The following ZNF25 variants were observed in gnomAD, a reference collection of about 807,000 sequenced individuals.
ZNF25 encodes zinc finger protein 25 (KOX 19).
A neutral mutation model predicts 30.9 loss-of-function variants in ZNF25; 21 were observed. The observed-to-expected ratio is 0.68, with a 90% CI of 0.48 to 0.98. The LOEUF (loss-of-function observed/expected upper bound fraction) is 0.98. ZNF25 is among the 50% of genes least tolerant of loss of function. ZNF25 has a pLI of 0.00. For missense variants in ZNF25, 501 were observed against 529.9 expected (o/e 0.95, Z 0.54); for synonymous variants, 169 against 181.3 (o/e 0.93, Z 0.55).
chr10:37,964,489 C>G (rs10827837), intron 2 of ZNF25, among the ~76,000 whole-genome samples: 1 of 152,078 alleles, frequency 6.6e-6, no homozygotes, highest in Non-Finnish European at 1.5e-5. Flanking sequence ...TATTGGAAAC[C>G]GGAGTATAGG....
At chr10:37,967,331 AGG>A (rs2063238660) in intron 2 of ZNF25, among the ~76,000 whole-genome samples, 1 of 152,234 alleles carries the variant, frequency 6.6e-6, no homozygotes, top group Non-Finnish European at 1.5e-5. Context: ...CAAAACAGTG[AGG>A]TACTGGCATA....
intron 2 of ZNF25, 83 bp from the exon 3 acceptor site, chr10:37,957,629 T>A: frequency 1.4e-6 from 2 of 1,430,438 alleles, no homozygotes; most frequent in Non-Finnish European, 1.9e-6. Flanking sequence ...TAGCTCTTAG[T>A]GTACTAACTG....
intron 1 of ZNF25, 128 bp downstream of exon 1, chr10:37,976,378 C>T: frequency 6.6e-6 from 1 of 152,498 alleles, no homozygotes; most frequent in Non-Finnish European, 1.5e-5. Flanking sequence ...GCGCAGCCAG[C>T]CAACCTCCCC....
At chr10:37,973,028 T>TGTG (rs1478719065) in intron 1 of ZNF25, among the ~76,000 whole-genome samples, 4 of 151,690 alleles carry the variant, frequency 2.6e-5, no homozygotes, top group Admixed American at 2.0e-4. Flanking sequence ...ATTAGCCAGG[T>TGTG]GTGGTGGCGC....
chr10:37,953,050 T>C lies in ZNF25; in HGVS notation c.448A>G (p.Lys150Glu). 6.2e-7 allele frequency: 1 copy of C among 1,614,068 alleles called. No homozygotes were observed. Among genetic ancestry groups the C allele is most frequent in the Non-Finnish European group, 8.5e-7 (1 of 1,180,006 alleles). The change falls in exon 6 of 6, where the codon AAA becomes GAA. Residue 150 changes from lysine to glutamate, a missense_variant. Lys to Glu is a moderately conservative substitution (Grantham distance 56). Transcript: ENST00000302609. ...TTTTTAGAGAAAGATTTCCCACATT[T>C]ATCACAGTCATAGGATTTGCCCTTT... The part of the protein sequence containing the change: ...HSKGKSYDCD[K>E]CGKSFSKNED...
chr10:37,974,311 A>G (rs79358704), intron 1 of ZNF25, among the ~76,000 whole-genome samples: 6,354 of 152,316 alleles, frequency 0.042, 198 homozygotes, highest in Middle Eastern at 0.078. Flanking sequence ...AGCACAGCAA[A>G]GTAAGCAATA....
rs118186216 is a variant in ZNF25 at position 37,970,691 on chromosome 10, T to C, written c.15+1017A>G. Among the ~76,000 whole-genome samples, 969 of 152,298 alleles carry C rather than the reference T, an allele frequency of 6.4e-3. 59 individuals are homozygous for C. In the East Asian group the frequency reaches 0.13, roughly 20 times the overall value. ...ACATATTCTAGCTTCCTCTACCTTT[T>C]TGATGTTACCTCTTACCATTCTTTC... On this transcript the variant is annotated intron_variant, in intron 2 of 5. Coordinates refer to ENST00000302609, the MANE Select transcript of ZNF25 (RefSeq NM_145011.4).
At chr10:37,964,755 C>T (rs373821463) in intron 2 of ZNF25, among the ~76,000 whole-genome samples, 3 of 152,172 alleles carry the variant, frequency 2.0e-5, no homozygotes, top group African/African-American at 7.2e-5. Context: ...TCCTGTGGTA[C>T]AGAAAGAATC....
chr10:37,959,775 A>G (rs933875553), intron 2 of ZNF25, among the ~76,000 whole-genome samples: 10 of 151,244 alleles, frequency 6.6e-5, no homozygotes, highest in African/African-American at 2.4e-4. Context: ...ACGCCTGGCT[A>G]ATTTTTGTAT....
At chr10:37,970,733 C>A (rs2063444029) in intron 2 of ZNF25, among the ~76,000 whole-genome samples, 1 of 152,210 alleles carries the variant, frequency 6.6e-6, no homozygotes, top group Non-Finnish European at 1.5e-5. Flanking sequence ...TCATATCTCT[C>A]TAGCTTCAAT....
intron 2 of ZNF25, among the ~76,000 whole-genome samples, chr10:37,971,080 T>G (rs1326826839): frequency 3.3e-5 from 5 of 152,148 alleles, no homozygotes; most frequent in Admixed American, 3.3e-4. Context: ...TTTGGGAGGC[T>G]AAGGCGGGAG....
chr10:37,955,903 C>T (rs572868620), intron 4 of ZNF25, among the ~76,000 whole-genome samples: 31 of 152,244 alleles, frequency 2.0e-4, no homozygotes, highest in African/African-American at 7.5e-4. Flanking sequence ...AGGCTGGTCT[C>T]GAACTCGGGC....
At position 37,952,840 on chromosome 10, in the gene ZNF25, G is replaced by T. The variant is rs2062248327; in HGVS notation, c.658C>A (p.His220Asn). 3 of 1,614,004 alleles carry T rather than the reference G, an allele frequency of 1.9e-6. No homozygotes were observed. The highest frequency in any genetic ancestry group is 1.7e-6 in the Non-Finnish European group (2 of 1,180,014). Reference sequence around the variant, plus strand: ...TTCTCCCCTGTGTGTGTTTTCTGATGTTCTGTGAGATGTGGTTTCTGGTAG... The same window carrying T: ...TTCTCCCCTGTGTGTGTTTTCTGATTTTCTGTGAGATGTGGTTTCTGGTAG... ...SFYQKPHLTE[H>N]QKTHTGEKPF... The change falls in exon 6 of 6, where the codon CAT becomes AAT. Residue 220 changes from histidine (H) to asparagine (N), a missense_variant. His to Asn is a moderately conservative substitution (Grantham distance 68). Coordinates refer to ENST00000302609, the MANE Select transcript of ZNF25 (RefSeq NM_145011.4).
Position 37,952,067 on chromosome 10 carries a change from G to C in ZNF25, c.*60C>G. 1 of 1,470,672 alleles carries C rather than the reference G, an allele frequency of 6.8e-7. No homozygotes were observed. The highest frequency in any genetic ancestry group is 1.4e-5 in the South Asian group (1 of 72,818). The allele number at this position is 1,470,672 out of a possible 1,614,324, so 91.1% of individuals were successfully genotyped here. On this transcript the variant is annotated 3_prime_UTR_variant, in exon 6 of 6. Coordinates refer to ENST00000302609, the MANE Select transcript of ZNF25 (RefSeq NM_145011.4). ...ATGCGATTCATAAGGTGTACCTCTT[G>C]TGTGAATTATCTGATTGTTTTGAAG...
At position 37,952,380 on chromosome 10, in the gene ZNF25, G is replaced by A. The variant is rs1460395037; in HGVS notation, c.1118C>T (p.Thr373Ile). 10 of 1,610,978 alleles carry A rather than the reference G, an allele frequency of 6.2e-6. No homozygotes were observed. The Admixed American group carries it at 1.3e-4, about 22-fold the overall frequency. The change falls in exon 6 of 6, where the codon ACA becomes ATA. Residue 373 changes from threonine to isoleucine, a missense_variant. Coordinates refer to ENST00000302609, the MANE Select transcript of ZNF25 (RefSeq NM_145011.4). The stretch of plus-strand genomic sequence containing the variant: ...CACAGCAAAAGATTTGCCACATTCT[G>A]TGCATTCATAGGGCTTCTCCCCTGT... ...KHTGEKPYECTECGKSFAVNS... is the reference protein window; with the variant it reads ...KHTGEKPYECIECGKSFAVNS...
intron 2 of ZNF25, 28 bp from the exon 3 acceptor site, chr10:37,957,574 G>T: frequency 6.2e-7 from 1 of 1,605,516 alleles, no homozygotes; most frequent in Non-Finnish European, 8.5e-7. Flanking sequence ...AGTTCAATTT[G>T]AAGTAACCAG....
rs149283033 is a variant in ZNF25, at chr10:37,965,725, T to C, written c.15+5983A>G. ...AAGAACACAGGTAAAGGTAACTATA[T>C]AGGTACATAGAAAAGCTGGTATTGT... is the stretch of plus-strand genomic sequence containing the variant. On this transcript the variant is annotated intron_variant, in intron 2 of 5. Transcript: ENST00000302609. Among the ~76,000 whole-genome samples, 1,391 of 152,282 alleles carry C rather than the reference T, an allele frequency of 9.1e-3. 14 individuals are homozygous for C. The highest frequency in any genetic ancestry group is 0.014 in the Non-Finnish European group (957 of 68,012).
At position 37,949,711 on chromosome 10, in the gene ZNF25, G is replaced by GT. The variant is rs1474682928; in HGVS notation, c.*2415dup. On this transcript the variant is annotated 3_prime_UTR_variant, in exon 6 of 6. Transcript: ENST00000302609. Reference sequence around the variant, plus strand: ...TAGCTGATGGAATTGGGTATTGTAAGTTTTTTGTTATTGGGTTACGTTAGC... The same window carrying GT: ...TAGCTGATGGAATTGGGTATTGTAAGTTTTTTTGTTATTGGGTTACGTTAGC... 6.6e-6 allele frequency: 1 copy of GT among 152,458 alleles called. No individual in the cohort carries two copies. The highest frequency in any genetic ancestry group is 1.5e-5 in the Non-Finnish European group (1 of 68,032). The allele number at this position is 152,458 out of a possible 1,614,324, so 9.4% of individuals were successfully genotyped here. A position where few individuals can be genotyped will look rare whatever the true frequency, so the allele number is the denominator to read the frequency against.
At chr10:37,958,681 A>G (rs1239774339) in intron 2 of ZNF25, among the ~76,000 whole-genome samples, 1 of 152,148 alleles carries the variant, frequency 6.6e-6, no homozygotes, top group Non-Finnish European at 1.5e-5. Context: ...GCTACTTGAG[A>G]GGGTGATATG....
Sources: gnomAD v4.1 joint callset for allele counts (sites outside exome capture counted in the v4.1 genomes callset) on GRCh38, gnomAD v4.1.1 for gene constraint, MANE v1.5 for transcripts, NCBI Gene and HGNC (gene_info 2026-07-23, HGNC 2026-07-21) for gene names.